Variants in RALGAPA1 observed in about 807,000 individuals in gnomAD.
The protein encoded by RALGAPA1 is ral GTPase-activating protein subunit alpha-1.
A neutral mutation model predicts 269.6 loss-of-function variants in RALGAPA1; 52 were observed. The ratio of observed to expected loss-of-function variants is 0.19; its 90% CI spans 0.15 to 0.24. RALGAPA1 has a LOEUF of 0.24. Among genes scored for constraint, RALGAPA1 ranks in the 10% least tolerant of loss-of-function variants. The pLI is 1.00. For missense variants in RALGAPA1, 1,917 were observed against 3,013.9 expected (o/e 0.64, Z 8.52); for synonymous variants, 817 against 1,008.3 (o/e 0.81, Z 3.60).
intron 36 of RALGAPA1, among the ~76,000 whole-genome samples, chr14:35,597,720 C>A (rs1160805325): frequency 1.3e-5 from 2 of 152,152 alleles, no homozygotes; most frequent in Non-Finnish European, 1.5e-5. Flanking sequence ...CCCTCCTTAA[C>A]CCCTGGCAAT....
At position 35,671,410 on chromosome 14, in the gene RALGAPA1, C is replaced by T. The variant is rs1467309258; in HGVS notation, c.5181G>A (p.Val1727=). The change falls in exon 26 of 42, where the codon GTG becomes GTA. Residue 1727 remains valine (V), a synonymous_variant. Transcript: ENST00000680220. The part of the protein sequence containing the change: ...IMDFIVAAGR[V]ASSAFLNAPR... ...TTACATTGAGAAAAGCTGAAGAAGC[C>T]ACTCTACCAGCTGCTACAATAAAAT... The T allele has an allele frequency of 6.2e-7, 1 of 1,609,848 alleles. No homozygotes were observed. Among genetic ancestry groups the T allele is most frequent in the Non-Finnish European group, 8.5e-7 (1 of 1,178,468 alleles).
At chr14:35,578,662 C>T (rs764930484) in intron 37 of RALGAPA1, among the ~76,000 whole-genome samples, 2 of 152,136 alleles carry the variant, frequency 1.3e-5, no homozygotes, top group Non-Finnish European at 2.9e-5. Flanking sequence ...GATAATATAA[C>T]AATACTTATC....
At chr14:35,619,348 T>A (rs1448744937) in intron 35 of RALGAPA1, among the ~76,000 whole-genome samples, 1 of 151,954 alleles carries the variant, frequency 6.6e-6, no homozygotes, top group African/African-American at 2.4e-5. Flanking sequence ...ATTAAATATA[T>A]ACACCTACAG....
chr14:35,766,752 T>G (rs1190642752), intron 4 of RALGAPA1: 1 of 529,000 alleles, frequency 1.9e-6, no homozygotes, highest in Non-Finnish European at 3.8e-6. Context: ...TGCTAATGAT[T>G]TTGTGAATGC....
intron 1 of RALGAPA1, chr14:35,807,913 G>A (rs1187509194): frequency 6.6e-6 from 1 of 152,068 alleles, no homozygotes; most frequent in East Asian, 1.9e-4. Context: ...TATCAACACA[G>A]GCGAAATAAT....
chr14:35,606,266 C>T lies in RALGAPA1; in HGVS notation c.6930-557G>A, dbSNP rs2059591602. ...ATTGTGTGAACATTATAGATGTACT[C>T]ACATAAACCTAGATGGTACAGCCTA... On this transcript the variant is annotated intron_variant, in intron 35 of 41. Transcript: ENST00000680220. Among the ~76,000 whole-genome samples the T allele has an allele frequency of 2.6e-5, 4 of 152,282 alleles. No individual in the cohort carries two copies. The South Asian group carries it at 8.3e-4, about 32-fold the overall frequency.
chr14:35,702,724 A>T (rs374966774), intron 16 of RALGAPA1, among the ~76,000 whole-genome samples: 1,974 of 132,700 alleles, frequency 0.015, 27 homozygotes, highest in East Asian at 0.036. Flanking sequence ...TTAAAAAAAA[A>T]AAATATATAT....
intron 26 of RALGAPA1, among the ~76,000 whole-genome samples, chr14:35,665,719 T>G (rs1203356132): frequency 6.6e-6 from 1 of 152,168 alleles, no homozygotes; most frequent in African/African-American, 2.4e-5. Flanking sequence ...CCGTTCCAAT[T>G]TAAAATAAAA....
At position 35,685,742 on chromosome 14, in the gene RALGAPA1, A is replaced by G. The variant is rs564558075; in HGVS notation, c.4078-597T>C. Reference sequence around the variant, plus strand: ...AACATGGTGAAACCCTGTCTCTACTAAAAATAGAACAATTATCCAGGCATG... The same window carrying G: ...AACATGGTGAAACCCTGTCTCTACTGAAAATAGAACAATTATCCAGGCATG... On this transcript the variant is annotated intron_variant, in intron 19 of 41. Coordinates refer to ENST00000680220, the MANE Select transcript of RALGAPA1 (RefSeq NM_001346249.2). Among the ~76,000 whole-genome samples the G allele has an allele frequency of 2.0e-5, 3 of 152,110 alleles. No homozygotes were observed. The East Asian group carries it at 5.8e-4, about 29-fold the overall frequency.
Position 35,625,512 on chromosome 14 carries a change from C to T in RALGAPA1, c.6858-80G>A, listed in dbSNP as rs900175730. On this transcript the variant is annotated intron_variant, in intron 34 of 41. Transcript: ENST00000680220. ...AGTCCCGGAAATACTTTCCACTCTA[C>T]TCATGCAACTTTTCTACTTTTCTTG... 6 of 979,828 alleles carry T rather than the reference C, an allele frequency of 6.1e-6. No homozygotes were observed. The African/African-American group carries it at 9.9e-5, about 16-fold the overall frequency. The allele number at this position is 979,828 out of a possible 1,614,324, so 60.7% of individuals were successfully genotyped here.
intron 37 of RALGAPA1, among the ~76,000 whole-genome samples, chr14:35,592,750 A>G (rs1295276931): frequency 2.6e-5 from 4 of 152,224 alleles, no homozygotes; most frequent in Non-Finnish European, 5.9e-5. Context: ...ACAGTTAAAA[A>G]CTATGTGATC....
intron 18 of RALGAPA1, 115 bp downstream of exon 18, chr14:35,688,340 CAGAG>C (rs2066140415): frequency 1.7e-6 from 2 of 1,150,100 alleles, no homozygotes; most frequent in Admixed American, 4.4e-5. Context: ...CATAACCAAA[CAGAG>C]AGAAAGCAGT....
chr14:35,544,960 T>C (rs753764760), intron 41 of RALGAPA1, among the ~76,000 whole-genome samples: 18 of 152,058 alleles, frequency 1.2e-4, no homozygotes, highest in Non-Finnish European at 1.8e-4. Flanking sequence ...GGCAGGAGAA[T>C]TGCTTGAACC....
chr14:35,611,778 T>G (rs765371958), intron 35 of RALGAPA1, among the ~76,000 whole-genome samples: 41 of 151,992 alleles, frequency 2.7e-4, no homozygotes, highest in Non-Finnish European at 4.1e-4. Context: ...CCCTCTGAAA[T>G]TGACTAGCTC....
chr14:35,657,804 G>C (rs2063297553), intron 28 of RALGAPA1, among the ~76,000 whole-genome samples: 1 of 151,632 alleles, frequency 6.6e-6, no homozygotes, highest in East Asian at 1.9e-4. Flanking sequence ...AAGACAAACT[G>C]CCAGGGTTCT....
chr14:35,739,344 C>T (rs1265143428), intron 11 of RALGAPA1, among the ~76,000 whole-genome samples: 1 of 152,124 alleles, frequency 6.6e-6, no homozygotes, highest in Non-Finnish European at 1.5e-5. Context: ...TAGTCCAATA[C>T]AAACAGTTCT....
chr14:35,794,488 C>G (rs1464806730), intron 1 of RALGAPA1, among the ~76,000 whole-genome samples: 2 of 151,850 alleles, frequency 1.3e-5, no homozygotes, highest in African/African-American at 4.8e-5. Flanking sequence ...ATGGAGTCTC[C>G]CTCCGTTGCC....
chr14:35,562,833 A>C (rs535390529), intron 39 of RALGAPA1, among the ~76,000 whole-genome samples: 2 of 151,826 alleles, frequency 1.3e-5, no homozygotes, highest in East Asian at 3.9e-4. Context: ...CATCCTGGCT[A>C]ACACGGTGAA....
chr14:35,741,971 G>A (rs1353196513), intron 11 of RALGAPA1, among the ~76,000 whole-genome samples: 1 of 152,144 alleles, frequency 6.6e-6, no homozygotes, highest in Non-Finnish European at 1.5e-5. Flanking sequence ...GCTTATGCTG[G>A]GTAGCCACTC....
Sources: allele counts gnomAD v4.1 joint callset (sites outside exome capture counted in the v4.1 genomes callset), GRCh38; gene constraint gnomAD v4.1.1; transcripts MANE v1.5; gene names NCBI Gene and HGNC (gene_info 2026-07-23, HGNC 2026-07-21).